NR6A1: variants seen among roughly 807,000 people sequenced by gnomAD.
The protein encoded by NR6A1 is retinoic acid receptor-related testis-associated receptor.
Under a neutral mutation model 59.1 loss-of-function variants are expected in NR6A1, and 7 were observed. The ratio of observed to expected loss-of-function variants is 0.12; its 90% CI spans 0.07 to 0.22. NR6A1 has a LOEUF of 0.22. Ranked by LOEUF, NR6A1 falls within the 10% of genes least tolerant of loss-of-function variation. The pLI is 1.00. For synonymous variants in NR6A1, 243 were observed against 236.1 expected, an observed-to-expected ratio of 1.03 and a Z score of -0.27; for missense variants, 468 against 611.6, an observed-to-expected ratio of 0.77 and a Z score of 2.48.
At chr9:124,714,464 A>C (rs984858115) in intron 2 of NR6A1, among the ~76,000 whole-genome samples, 21 of 152,234 alleles carry the variant, frequency 1.4e-4, no homozygotes, top group African/African-American at 4.8e-4. Flanking sequence ...TGATACTGAA[A>C]TTGAACTCCT....
At chr9:124,585,554 A>G (rs948136590) in intron 2 of NR6A1, among the ~76,000 whole-genome samples, 1 of 121,472 alleles carries the variant, frequency 8.2e-6, no homozygotes, top group African/African-American at 3.4e-5. Flanking sequence ...AAAAAAAAAA[A>G]AAAAGGGGGG....
intron 3 of NR6A1, among the ~76,000 whole-genome samples, chr9:124,553,283 G>C (rs1287506639): frequency 6.6e-6 from 1 of 152,104 alleles, no homozygotes; most frequent in Non-Finnish European, 1.5e-5. Flanking sequence ...TCTCTCTTCT[G>C]TATCTAAGCT....
chr9:124,714,180 C>T (rs1839354714), intron 2 of NR6A1, among the ~76,000 whole-genome samples: 2 of 152,098 alleles, frequency 1.3e-5, no homozygotes, highest in South Asian at 4.2e-4. Flanking sequence ...AATGAGGTAC[C>T]TAGAGTAGAC....
intron 5 of NR6A1, among the ~76,000 whole-genome samples, chr9:124,539,655 A>T (rs1473264216): frequency 6.6e-6 from 1 of 152,236 alleles, no homozygotes; most frequent in Non-Finnish European, 1.5e-5. Flanking sequence ...AGTGAAAAAC[A>T]TTGACTCTTG....
Position 124,767,462 on chromosome 9 carries a change from G to A in NR6A1, c.100+3558C>T, listed in dbSNP as rs1224001078. ...ATCACCAGTGAATTTGCTCACTGTC[G>A]CCTTTCTTCTACCCTAGCCGTCTTT... On this transcript the variant is annotated intron_variant, in intron 1 of 9. Coordinates refer to ENST00000487099, the MANE Select transcript of NR6A1 (RefSeq NM_033334.4). 3.4e-5 allele frequency among the ~76,000 whole-genome samples: 5 copies of A among 148,440 alleles called. No homozygotes were observed. The East Asian group carries it at 7.8e-4, about 23-fold the overall frequency.
chr9:124,723,846 T>C (rs1193794242), intron 2 of NR6A1, among the ~76,000 whole-genome samples: 5 of 152,180 alleles, frequency 3.3e-5, no homozygotes, highest in South Asian at 2.1e-4. Context: ...TAACCAAGAT[T>C]ACAGTGAAGC....
chr9:124,568,197 A>G (rs1282784154), intron 2 of NR6A1, among the ~76,000 whole-genome samples: 2 of 147,754 alleles, frequency 1.4e-5, no homozygotes, highest in African/African-American at 2.5e-5. Flanking sequence ...AAAAAAAAAG[A>G]AACAGAGGCT....
At chr9:124,748,285 C>T (rs1321715068) in intron 1 of NR6A1, among the ~76,000 whole-genome samples, 1 of 152,076 alleles carries the variant, frequency 6.6e-6, no homozygotes, top group Non-Finnish European at 1.5e-5. Flanking sequence ...GCTCTAAAGT[C>T]CATGAGTTTA....
chr9:124,603,095 C>T (rs905743954), intron 2 of NR6A1, among the ~76,000 whole-genome samples: 2 of 152,116 alleles, frequency 1.3e-5, no homozygotes, highest in South Asian at 2.1e-4. Flanking sequence ...AAAGTCAAAT[C>T]GCACCCTTCT....
chr9:124,729,363 G>C (rs759234198), intron 2 of NR6A1, among the ~76,000 whole-genome samples: 3 of 151,970 alleles, frequency 2.0e-5, no homozygotes, highest in Non-Finnish European at 2.9e-5. Flanking sequence ...GTAAAAGTTC[G>C]GTTAAAATGA....
chr9:124,621,484 A>T (rs1427298494), intron 2 of NR6A1, among the ~76,000 whole-genome samples: 1 of 27,428 alleles, frequency 3.6e-5, no homozygotes, highest in East Asian at 9.1e-4. Context: ...CAATATCTTT[A>T]AAAAAAAAAA....
intron 2 of NR6A1, among the ~76,000 whole-genome samples, chr9:124,693,548 G>C (rs140487792): frequency 6.6e-6 from 1 of 152,248 alleles, no homozygotes; most frequent in African/African-American, 2.4e-5. Flanking sequence ...TAACCTCCCA[G>C]CTCCAATGTC....
At chr9:124,704,791 T>C (rs1445423396) in intron 2 of NR6A1, among the ~76,000 whole-genome samples, 2 of 152,128 alleles carry the variant, frequency 1.3e-5, no homozygotes, top group Non-Finnish European at 2.9e-5. Flanking sequence ...CCAGGCTGAG[T>C]GCAGTGGCAC....
chr9:124,626,794 C>A (rs374012332), intron 2 of NR6A1, among the ~76,000 whole-genome samples: 1 of 151,992 alleles, frequency 6.6e-6, no homozygotes, highest in Non-Finnish European at 1.5e-5. Context: ...ATTAGCCGGG[C>A]GTAGGGGCAC....
intron 1 of NR6A1, among the ~76,000 whole-genome samples, chr9:124,742,918 T>C (rs535056015): frequency 3.3e-5 from 5 of 152,308 alleles, no homozygotes; most frequent in African/African-American, 9.6e-5. Flanking sequence ...AAGAGCTTTG[T>C]TGAGGCAGCC....
chr9:124,613,835 A>G (rs1335908886), intron 2 of NR6A1, among the ~76,000 whole-genome samples: 3 of 152,196 alleles, frequency 2.0e-5, no homozygotes, highest in Admixed American at 6.5e-5. Context: ...ACAAAAACAT[A>G]TATTTAAAAG....
intron 2 of NR6A1, among the ~76,000 whole-genome samples, chr9:124,621,290 C>G (rs1564204783): frequency 6.6e-6 from 1 of 151,988 alleles, no homozygotes; most frequent in Non-Finnish European, 1.5e-5. Flanking sequence ...GCATAGATTC[C>G]CTGACACAAG....
At chr9:124,607,766 T>C (rs1454788768) in intron 2 of NR6A1, among the ~76,000 whole-genome samples, 1 of 152,220 alleles carries the variant, frequency 6.6e-6, no homozygotes, top group Admixed American at 6.5e-5. Context: ...AATACCTGGG[T>C]GGGCACGGTG....
chr9:124,703,318 T>G (rs1179477007), intron 2 of NR6A1, among the ~76,000 whole-genome samples: 1 of 150,626 alleles, frequency 6.6e-6, no homozygotes, highest in African/African-American at 2.5e-5. Flanking sequence ...GCTCAGGTGA[T>G]CATCCCACCT....
Sources: allele counts gnomAD v4.1 joint callset (sites outside exome capture counted in the v4.1 genomes callset), GRCh38; gene constraint gnomAD v4.1.1; transcripts MANE v1.5; gene names NCBI Gene and HGNC (gene_info 2026-07-23, HGNC 2026-07-21).